The following PRPF38A variants were observed in gnomAD, a reference collection of about 807,000 sequenced individuals.
The protein encoded by PRPF38A is pre-mRNA processing factor 38A.
PRPF38A carries 11 observed loss-of-function variants against 46.8 expected under a neutral mutation model. That is an observed-to-expected ratio of 0.24 (90% CI 0.15 to 0.39). PRPF38A has a LOEUF of 0.39. Among genes scored for constraint, PRPF38A ranks in the 10% least tolerant of loss-of-function variants. The pLI is 1.00. For missense variants in PRPF38A, 261 were observed against 407.5 expected, an observed-to-expected ratio of 0.64 and a Z score of 3.10; for synonymous variants, 124 against 136.2, an observed-to-expected ratio of 0.91 and a Z score of 0.62.
rs184842156 is a variant in PRPF38A, at chr1:52,415,913, G to A, written c.896+527G>A. ...GCTGGAGTGCAGTGGCGCAATCTCG[G>A]CTCACTGCAAGCTCCACCTCCTGGG... On this transcript the variant is annotated intron_variant, in intron 9 of 9. Coordinates refer to ENST00000257181, the MANE Select transcript of PRPF38A (RefSeq NM_032864.4). 3.4e-4 allele frequency among the ~76,000 whole-genome samples: 47 copies of A among 139,012 alleles called. No individual in the cohort carries two copies. In the East Asian group the frequency reaches 0.01, roughly 31 times the overall value. 91.2% of individuals were successfully genotyped at this position (139,012 alleles called of 152,430 possible). A position where few individuals can be genotyped will look rare whatever the true frequency, so the allele number is the denominator to read the frequency against.
Position 52,404,942 on chromosome 1 carries a change from C to T in PRPF38A, c.130+63C>T, listed in dbSNP as rs917930619. ...GTGGCCCATTTCTCCTGACCGAGCG[C>T]GGGTAGGACTAGCGACTGGCCTCTG... On this transcript the variant is annotated intron_variant, in intron 1 of 9. Transcript: ENST00000257181. The T allele has an allele frequency of 7.6e-6, 12 of 1,588,344 alleles. No homozygotes were observed. In the African/African-American group the frequency reaches 1.2e-4, roughly 16 times the overall value.
In PRPF38A at chr1:52,416,890, A is replaced by C. The variant is rs538872558; in HGVS notation, c.*200A>C. The C allele has an allele frequency of 1.7e-6, 1 of 578,732 alleles. No individual in the cohort carries two copies. Among genetic ancestry groups the C allele is most frequent in the Admixed American group, 2.9e-5 (1 of 34,222 alleles). 35.8% of individuals were successfully genotyped at this position (578,732 alleles called of 1,614,324 possible). On this transcript the variant is annotated 3_prime_UTR_variant, in exon 10 of 10. Transcript: ENST00000257181. ...ATAATCAACATCAGTTTTTGACCCA[A>C]CTAACCTTGACTGTATTCAAACTTA...
chr1:52,410,037 T>G (rs1466485706), intron 3 of PRPF38A, among the ~76,000 whole-genome samples: 1 of 150,384 alleles, frequency 6.6e-6, no homozygotes, highest in African/African-American at 2.5e-5. Context: ...ATATATGTAT[T>G]TGTATATGTG....
chr1:52,417,279 A>G lies in PRPF38A; in HGVS notation c.*589A>G, dbSNP rs1347488639. The G allele has an allele frequency of 6.5e-6, 1 of 154,466 alleles. No individual in the cohort carries two copies. Among genetic ancestry groups the G allele is most frequent in the Non-Finnish European group, 1.4e-5 (1 of 69,314 alleles). The allele number at this position is 154,466 out of a possible 1,614,324, so 9.6% of individuals were successfully genotyped here. On this transcript the variant is annotated 3_prime_UTR_variant, in exon 10 of 10. Coordinates refer to ENST00000257181, the MANE Select transcript of PRPF38A (RefSeq NM_032864.4). ...AACAGTTCAACAGAGAGCAGCACTTAATACCCTTTATACAGCCCATTTTTT... is the reference window on the plus strand; with the variant it reads ...AACAGTTCAACAGAGAGCAGCACTTGATACCCTTTATACAGCCCATTTTTT...
chr1:52,406,240 C>G (rs566623286), intron 2 of PRPF38A, among the ~76,000 whole-genome samples: 34 of 152,208 alleles, frequency 2.2e-4, no homozygotes, highest in East Asian at 3.9e-4. Context: ...CCCCTCCCCC[C>G]CCGGGCCTCC....
rs200055844 is a variant in PRPF38A, at chr1:52,405,179, CT to C, written c.130+303del. Among the ~76,000 whole-genome samples the C allele has an allele frequency of 3.5e-3, 531 of 152,322 alleles. 7 individuals carry two copies. The highest frequency in any genetic ancestry group is 0.034 in the South Asian group (163 of 4,826). On this transcript the variant is annotated intron_variant, in intron 1 of 9. Transcript: ENST00000257181. Reference sequence around the variant, plus strand: ...TAAGCTCAGGGATCCGGATATAACACTTTGACACAATCTGTTGAAGGTCTTT... The same window carrying C: ...TAAGCTCAGGGATCCGGATATAACACTTGACACAATCTGTTGAAGGTCTTT...
At chr1:52,416,091 G>A (rs1368836107) in intron 9 of PRPF38A, among the ~76,000 whole-genome samples, 3 of 151,724 alleles carry the variant, frequency 2.0e-5, no homozygotes, top group South Asian at 4.2e-4. Flanking sequence ...CGCCCACCTC[G>A]GTCTCCCAAA....
chr1:52,412,457 G>C (rs1464360641), intron 4 of PRPF38A, 57 bp from the exon 5 acceptor site: 61 of 1,270,352 alleles, frequency 4.8e-5, no homozygotes, highest in Non-Finnish European at 6.7e-5. Context: ...CAGTGTTGAG[G>C]TTTCAAGAAA....
At position 52,411,171 on chromosome 1, in the gene PRPF38A, GTC is replaced by G; in HGVS notation, c.471_472del (p.Cys158Ter). The G allele has an allele frequency of 6.2e-7, 1 of 1,613,620 alleles. No homozygotes were observed. ...TGATGAACTATTGCACAGTGAGAGA[GTC>G]TGTGATATCATTCTGCCCCGACTAC... ...FIDELLHSER[V>X]CDIILPRLQK... is the part of the protein sequence containing the mutation. On this transcript the variant is annotated frameshift_variant, in exon 4 of 10. Transcript: ENST00000257181. LOFTEE classifies it high-confidence loss of function.
rs755768594 is a variant in PRPF38A at position 52,414,629 on chromosome 1, G to A, written c.731G>A (p.Arg244Gln). The part of the protein sequence containing the change: ...SRSRSPRRRS[R>Q]SPKRRSPSPR... ...TCCTCTCCTCTTTATAGGCGGAGTC[G>A]ATCTCCCAAAAGGAGAAGGTAGGCC... Residue 244 changes from arginine (R) to glutamine (Q), a missense_variant, in exon 7 of 10, where the codon CGA becomes CAA. By Grantham distance (43) the Arg-to-Gln change is conservative (BLOSUM62 1). Transcript: ENST00000257181. The A allele has an allele frequency of 1.9e-6, 3 of 1,613,606 alleles. No homozygotes were observed. The highest frequency in any genetic ancestry group is 2.2e-5 in the East Asian group (1 of 44,894).
In PRPF38A at chr1:52,404,624, A is replaced by C; in HGVS notation, c.-126A>C. ...TTTACACTACGGTGTTTCCGGCTTC[A>C]AGATGGTCGCCTAAGCTGTTTAGTG... On this transcript the variant is annotated 5_prime_UTR_variant, in exon 1 of 10. Transcript: ENST00000257181. 9.4e-7 allele frequency: 1 copy of C among 1,069,206 alleles called. No individual in the cohort carries two copies. Among genetic ancestry groups the C allele is most frequent in the East Asian group, 2.5e-5 (1 of 39,496 alleles). The allele number at this position is 1,069,206 out of a possible 1,614,324, so 66.2% of individuals were successfully genotyped here.
At chr1:52,407,857 A>G (rs1648040938) in intron 2 of PRPF38A, among the ~76,000 whole-genome samples, 1 of 152,236 alleles carries the variant, frequency 6.6e-6, no homozygotes, top group Non-Finnish European at 1.5e-5. Flanking sequence ...GGAGTTTGAG[A>G]CTAGCCTGGC....
At chr1:52,414,713 T>C (rs750409193) in intron 7 of PRPF38A, 49 bp from the exon 8 acceptor site, 17 of 1,613,428 alleles carry the variant, frequency 1.1e-5, no homozygotes, top group East Asian at 4.5e-5. Flanking sequence ...ATTGGTGTTA[T>C]ATGTATATTG....
At chr1:52,408,343 C>A in intron 2 of PRPF38A, 1 of 665,110 alleles carries the variant, frequency 1.5e-6, no homozygotes, top group East Asian at 3.0e-5. Context: ...GAAAGTTGAT[C>A]AATATGTATG....
rs552404922 is a variant in PRPF38A at position 52,415,335 on chromosome 1, C to T, written c.848-3C>T. The T allele has an allele frequency of 6.2e-7, 1 of 1,613,676 alleles. No homozygotes were observed. The highest frequency in any genetic ancestry group is 2.2e-5 in the East Asian group (1 of 44,864). On this transcript the variant is annotated splice_region_variant and splice_polypyrimidine_tract_variant and intron_variant, in intron 8 of 9. Coordinates refer to ENST00000257181, the MANE Select transcript of PRPF38A (RefSeq NM_032864.4). ...TCTTATGCAATGGCCTTTTCTTCCC[C>T]AGGTCATCACCGTAGTCACAGACAC...
chr1:52,414,119 G>A, intron 6 of PRPF38A, 128 bp downstream of exon 6: 1 of 637,020 alleles, frequency 1.6e-6, no homozygotes, highest in Non-Finnish European at 2.8e-6. Context: ...ATCTGTTGCT[G>A]CAAAACAACC....
chr1:52,404,962 C>T (rs1174241629), intron 1 of PRPF38A, 83 bp downstream of exon 1: 3 of 1,517,388 alleles, frequency 2.0e-6, no homozygotes, highest in Non-Finnish European at 2.7e-6. Flanking sequence ...TAGCGACTGG[C>T]CTCTGGGGGT....
chr1:52,415,617 T>G (rs1648267646), intron 9 of PRPF38A, among the ~76,000 whole-genome samples: 1 of 151,110 alleles, frequency 6.6e-6, no homozygotes. Flanking sequence ...GGCGTGAACC[T>G]GGCTCACTGC....
intron 3 of PRPF38A, among the ~76,000 whole-genome samples, chr1:52,410,448 T>C (rs962618879): frequency 2.0e-5 from 3 of 150,576 alleles, no homozygotes; most frequent in African/African-American, 7.3e-5. Flanking sequence ...GATACTTTTA[T>C]ATATATATAG....
Sources: allele counts gnomAD v4.1 joint callset (sites outside exome capture counted in the v4.1 genomes callset), GRCh38; gene constraint gnomAD v4.1.1; transcripts MANE v1.5; gene names NCBI Gene and HGNC (gene_info 2026-07-23, HGNC 2026-07-21).